Variants in CAP2 observed in about 807,000 individuals in gnomAD.
The protein encoded by CAP2 is adenylyl cyclase-associated protein 2.
A neutral mutation model predicts 57.7 loss-of-function variants in CAP2; 24 were observed. The ratio of observed to expected loss-of-function variants is 0.42; its 90% CI spans 0.30 to 0.58. CAP2 has a LOEUF of 0.58. Among genes scored for constraint, CAP2 ranks in the 20% least tolerant of loss-of-function variants. The probability of loss-of-function intolerance (pLI) is 0.22; values close to 1 mark genes in which losing one functional copy is unlikely to be tolerated. For synonymous variants in CAP2, 194 were observed against 207.2 expected (o/e 0.94, Z 0.55); for missense variants, 501 against 590.3 (o/e 0.85, Z 1.57).
chr6:17,540,003 G>C (rs1762862829), intron 8 of CAP2, among the ~76,000 whole-genome samples: 1 of 152,154 alleles, frequency 6.6e-6, no homozygotes. Context: ...GATCGCTTGA[G>C]CCCAGGAGGT....
rs1195075685 is a variant in CAP2, at chr6:17,536,414, G to T, written c.637-2855G>T. 4 of 407,178 alleles carry T rather than the reference G, an allele frequency of 9.8e-6. No individual in the cohort carries two copies. In the Admixed American group the frequency reaches 1.1e-4, roughly 11 times the overall value. 25.2% of individuals were successfully genotyped at this position (407,178 alleles called of 1,614,324 possible). A position where few individuals can be genotyped will look rare whatever the true frequency, so the allele number is the denominator to read the frequency against. ...CCGGTATTGTGCTCTTGCTGGGGCC[G>T]ATATGGGAATAAGCCAGGACATACA... On this transcript the variant is annotated intron_variant, in intron 7 of 12. Coordinates refer to ENST00000229922, the MANE Select transcript of CAP2 (RefSeq NM_006366.3).
At chr6:17,519,895 T>C (rs890284455) in intron 7 of CAP2, among the ~76,000 whole-genome samples, 21 of 152,242 alleles carry the variant, frequency 1.4e-4, no homozygotes, top group South Asian at 6.2e-4. Flanking sequence ...AAGAATTCTA[T>C]GATTAGGAGA....
rs78014622 is a variant in CAP2, at chr6:17,464,111, G to A, written c.300+1038G>A. ...CTGACATTGTATCATGCAAATAACTGCATTCCCTCTACCAAGGGTTCATAA... is the reference window on the plus strand; with the variant it reads ...CTGACATTGTATCATGCAAATAACTACATTCCCTCTACCAAGGGTTCATAA... On this transcript the variant is annotated intron_variant, in intron 4 of 12. Coordinates refer to ENST00000229922, the MANE Select transcript of CAP2 (RefSeq NM_006366.3). Among the ~76,000 whole-genome samples, 942 of 152,134 alleles carry A rather than the reference G, an allele frequency of 6.2e-3. 13 individuals are homozygous for A. Among genetic ancestry groups the A allele is most frequent in the African/African-American group, 0.021 (876 of 41,498 alleles).
chr6:17,438,660 C>T lies in CAP2; in HGVS notation c.222+11970C>T, dbSNP rs756217192. Among the ~76,000 whole-genome samples, 55 of 147,700 alleles carry T rather than the reference C, an allele frequency of 3.7e-4. 1 individual carries two copies. Among genetic ancestry groups the T allele is most frequent in the Middle Eastern group, 3.4e-3 (1 of 290 alleles). On this transcript the variant is annotated intron_variant, in intron 3 of 12. Transcript: ENST00000229922. ...TTCACAGTGTTAGCCAGGATGGTCT[C>T]AATCTCCTGACCTTGTGATCCGCCC...
chr6:17,503,792 G>A (rs916977966), intron 4 of CAP2, among the ~76,000 whole-genome samples: 1 of 152,014 alleles, frequency 6.6e-6, no homozygotes, highest in Non-Finnish European at 1.5e-5. Flanking sequence ...TTTGGTTGGG[G>A]GGCAGGTGCA....
intron 6 of CAP2, among the ~76,000 whole-genome samples, chr6:17,512,033 T>A (rs1762168271): frequency 6.9e-6 from 1 of 144,388 alleles, no homozygotes; most frequent in South Asian, 2.2e-4. Context: ...CTGCATTGGT[T>A]AAAAAAAAAA....
At chr6:17,467,830 C>T (rs114709427) in intron 4 of CAP2, among the ~76,000 whole-genome samples, 2,031 of 152,186 alleles carry the variant, frequency 0.013, 44 homozygotes, top group African/African-American at 0.046. Flanking sequence ...GCCTACTCTT[C>T]GTTATTTTAA....
intron 1 of CAP2, among the ~76,000 whole-genome samples, chr6:17,403,345 C>T (rs1459002878): frequency 6.6e-6 from 1 of 152,212 alleles, no homozygotes; most frequent in Non-Finnish European, 1.5e-5. Context: ...TCAGGTGATC[C>T]GCCTGCCTTG....
Position 17,410,683 on chromosome 6 carries a change from G to A in CAP2, c.-1-10872G>A, listed in dbSNP as rs190028866. Among the ~76,000 whole-genome samples the A allele has an allele frequency of 7.9e-5, 12 of 151,274 alleles. No individual in the cohort carries two copies. In the South Asian group the frequency reaches 1.3e-3, roughly 16 times the overall value. ...CGCCATTTTCCTGCCTCAACCTCCC[G>A]AGTAGCTGGGACTACAGGTGACCGC... On this transcript the variant is annotated intron_variant, in intron 1 of 12. Coordinates refer to ENST00000229922, the MANE Select transcript of CAP2 (RefSeq NM_006366.3).
rs146394990 is a variant in CAP2, at chr6:17,507,432, T to C, written c.444+120T>C. 8.8e-4 allele frequency: 938 copies of C among 1,060,854 alleles called. 7 individuals are homozygous for C. The African/African-American group carries it at 0.014, about 15-fold the overall frequency. 65.7% of individuals were successfully genotyped at this position (1,060,854 alleles called of 1,614,324 possible). On this transcript the variant is annotated intron_variant, in intron 5 of 12. Transcript: ENST00000229922. The stretch of plus-strand genomic sequence containing the variant: ...GAAGGAAGCTTCTTCCTGGGCTGAA[T>C]GCATCCACTTTCTCCTACCCTGTTT...
At chr6:17,441,212 AG>A (rs1388963586) in intron 3 of CAP2, among the ~76,000 whole-genome samples, 1 of 151,454 alleles carries the variant, frequency 6.6e-6, no homozygotes, top group Non-Finnish European at 1.5e-5. Flanking sequence ...GTTATATCGA[AG>A]TGACCATTCT....
chr6:17,492,126 A>G (rs1282259973), intron 4 of CAP2, among the ~76,000 whole-genome samples: 2 of 152,228 alleles, frequency 1.3e-5, no homozygotes, highest in Non-Finnish European at 2.9e-5. Flanking sequence ...TGCAGTACCC[A>G]TGTGCGATGC....
chr6:17,511,063 C>A (rs555358571), intron 6 of CAP2, among the ~76,000 whole-genome samples: 1 of 152,290 alleles, frequency 6.6e-6, no homozygotes, highest in South Asian at 2.1e-4. Context: ...AAATGTACTT[C>A]CAGTAGTACC....
chr6:17,485,199 A>T (rs1393185290), intron 4 of CAP2, among the ~76,000 whole-genome samples: 3 of 152,136 alleles, frequency 2.0e-5, no homozygotes, highest in Non-Finnish European at 4.4e-5. Context: ...ATTTTATGTG[A>T]ATATTTATGA....
chr6:17,442,697 A>T (rs1207139577), intron 3 of CAP2, among the ~76,000 whole-genome samples: 3 of 149,978 alleles, frequency 2.0e-5, no homozygotes, highest in Non-Finnish European at 2.9e-5. Flanking sequence ...AGACCAGCCT[A>T]AGCAATATAG....
At chr6:17,439,898 C>G (rs1581520649) in intron 3 of CAP2, among the ~76,000 whole-genome samples, 1 of 151,612 alleles carries the variant, frequency 6.6e-6, no homozygotes, top group Non-Finnish European at 1.5e-5. Flanking sequence ...GGACCAGTAC[C>G]AGTCTGTGTG....
intron 7 of CAP2, among the ~76,000 whole-genome samples, chr6:17,537,629 G>T (rs374639087): frequency 6.6e-6 from 1 of 152,150 alleles, no homozygotes; most frequent in Non-Finnish European, 1.5e-5. Flanking sequence ...TGGCACTTAC[G>T]TAATGTTTTA....
intron 9 of CAP2, among the ~76,000 whole-genome samples, chr6:17,542,581 G>A (rs1365901305): frequency 1.3e-5 from 2 of 152,116 alleles, no homozygotes; most frequent in African/African-American, 2.4e-5. Flanking sequence ...TCACATCCCT[G>A]CTCCAGCCTC....
intron 3 of CAP2, among the ~76,000 whole-genome samples, chr6:17,447,362 T>A (rs999304125): frequency 6.6e-6 from 1 of 152,156 alleles, no homozygotes; most frequent in Admixed American, 6.5e-5. Flanking sequence ...CTTTCTTTTC[T>A]TGCCTTATTT....
Sources: gnomAD v4.1 joint callset for allele counts (sites outside exome capture counted in the v4.1 genomes callset) on GRCh38, gnomAD v4.1.1 for gene constraint, MANE v1.5 for transcripts, NCBI Gene and HGNC (gene_info 2026-07-23, HGNC 2026-07-21) for gene names.